Variants in PIK3R1 observed in about 807,000 individuals in gnomAD.
The protein encoded by PIK3R1 is phosphoinositide-3-kinase regulatory subunit 1, also known as phosphatidylinositol 3-kinase regulatory subunit alpha.
PIK3R1 carries 29 observed loss-of-function variants against 98.0 expected under a neutral mutation model. The observed-to-expected ratio is 0.30, with a 90% CI of 0.22 to 0.40. The LOEUF is 0.40. Among genes scored for constraint, PIK3R1 ranks in the 10% least tolerant of loss-of-function variants. PIK3R1 has a pLI of 1.00. For missense variants in PIK3R1, 596 were observed against 872.7 expected (o/e 0.68, Z 3.99); for synonymous variants, 282 against 311.8 (o/e 0.90, Z 1.01).
chr5:68,278,203 AC>A (rs1746661021), intron 4 of PIK3R1, among the ~76,000 whole-genome samples: 2 of 151,806 alleles, frequency 1.3e-5, no homozygotes, highest in Admixed American at 1.3e-4. Flanking sequence ...GGATTGCTTG[AC>A]CTGTTTCCCA....
At chr5:68,216,469 C>A (rs1221037423) in intron 1 of PIK3R1, among the ~76,000 whole-genome samples, 3 of 152,284 alleles carry the variant, frequency 2.0e-5, no homozygotes, top group African/African-American at 4.8e-5. Context: ...CGGCGGTGGT[C>A]CCCGGAGCTC....
At chr5:68,295,776 A>AAAAAATAATTATGCTTAATATATTT in intron 14 of PIK3R1, 1 of 500,068 alleles carries the variant, frequency 2.0e-6, no homozygotes, top group East Asian at 3.4e-5. Context: ...ACAGTCAGAG[A>AAAAAATAATTATGCTTAATATATTT]AAAAATAATT....
chr5:68,295,131 G>GT lies in PIK3R1; in HGVS notation c.1569-14dup. The GT allele has an allele frequency of 4.4e-6, 7 of 1,608,508 alleles. No homozygotes were observed. Among genetic ancestry groups the GT allele is most frequent in the Non-Finnish European group, 6.0e-6 (7 of 1,176,288 alleles). On this transcript the variant is annotated splice_polypyrimidine_tract_variant and intron_variant, in intron 12 of 15. Coordinates refer to ENST00000521381, the MANE Select transcript of PIK3R1 (RefSeq NM_181523.3). ...GATGTACCCAGATAATAACAAATAC[G>GT]TTTCTTTTGCCTGCAGGATTATGCA...
chr5:68,247,235 T>G (rs956220255), intron 2 of PIK3R1, among the ~76,000 whole-genome samples: 6 of 152,238 alleles, frequency 3.9e-5, no homozygotes, highest in African/African-American at 1.4e-4. Context: ...CTCTTAAAAT[T>G]ATATTTTTTG....
intron 2 of PIK3R1, among the ~76,000 whole-genome samples, chr5:68,232,923 A>G (rs1043302172): frequency 6.6e-6 from 1 of 152,314 alleles, no homozygotes; most frequent in African/African-American, 2.4e-5. Flanking sequence ...ATTCTAATAC[A>G]ATTTTCTTTG....
chr5:68,263,905 T>C (rs759999078), intron 2 of PIK3R1, among the ~76,000 whole-genome samples: 1 of 152,334 alleles, frequency 6.6e-6, no homozygotes, highest in Non-Finnish European at 1.5e-5. Context: ...TCCCTTCATA[T>C]ATTTGTTAAG....
chr5:68,296,108 C>T (rs1747698747), intron 14 of PIK3R1, 63 bp from the exon 15 acceptor site: 3 of 1,525,804 alleles, frequency 2.0e-6, no homozygotes, highest in South Asian at 1.2e-5. Context: ...CTAGGGAAGA[C>T]AGCAAGGCAG....
chr5:68,292,720 G>C (rs2112247928), intron 8 of PIK3R1: 1 of 1,272,594 alleles, frequency 7.9e-7, no homozygotes, highest in East Asian at 3.9e-5. Flanking sequence ...CTTTGGGAAG[G>C]GGGAGTAAGG....
chr5:68,225,886 C>A (rs1744254443), intron 1 of PIK3R1, among the ~76,000 whole-genome samples: 2 of 152,194 alleles, frequency 1.3e-5, no homozygotes, highest in African/African-American at 4.8e-5. Context: ...TTTTCTTGGT[C>A]ACTTCTGTAA....
intron 7 of PIK3R1, among the ~76,000 whole-genome samples, chr5:68,285,432 T>A (rs925947352): frequency 1.3e-5 from 2 of 152,224 alleles, no homozygotes; most frequent in Admixed American, 1.3e-4. Flanking sequence ...TTAATTTTTA[T>A]TGGTTTAAAA....
At chr5:68,269,476 T>C (rs1203926067) in intron 2 of PIK3R1, among the ~76,000 whole-genome samples, 1 of 152,216 alleles carries the variant, frequency 6.6e-6, no homozygotes, top group Non-Finnish European at 1.5e-5. Flanking sequence ...TTGCATCTTT[T>C]TGTTTTTAGT....
Position 68,227,029 on chromosome 5 carries a change from T to C in PIK3R1, c.334+20T>C. The C allele has an allele frequency of 6.4e-7, 1 of 1,565,868 alleles. No homozygotes were observed. The highest frequency in any genetic ancestry group is 1.4e-5 in the African/African-American group (1 of 72,748). ...AACAAGGTCAGTATTGATAAGTGGTTGCTTAATGACTCCCTTTCTTTTTCT... is the reference window on the plus strand; with the variant it reads ...AACAAGGTCAGTATTGATAAGTGGTCGCTTAATGACTCCCTTTCTTTTTCT... On this transcript the variant is annotated intron_variant, in intron 2 of 15. Transcript: ENST00000521381.
intron 2 of PIK3R1, among the ~76,000 whole-genome samples, chr5:68,263,145 TTATA>T (rs1325368825): frequency 8.1e-5 from 11 of 136,122 alleles, no homozygotes; most frequent in Non-Finnish European, 1.8e-4. Flanking sequence ...ACATATATAT[TTATA>T]TATGTACATA....
rs1390340649 is a variant in PIK3R1 at position 68,244,512 on chromosome 5, A to ACTGC, written c.334+17504_334+17505insTGCC. Reference sequence around the variant, plus strand: ...TTTTAGGGCCGCCTATTTCTCTAGGACCGCCCCCCCGCCCCCCGCCGCCGC... The same window carrying ACTGC: ...TTTTAGGGCCGCCTATTTCTCTAGGACTGCCCGCCCCCCCGCCCCCCGCCGCCGC... On this transcript the variant is annotated intron_variant, in intron 2 of 15. Coordinates refer to ENST00000521381, the MANE Select transcript of PIK3R1 (RefSeq NM_181523.3). Among the ~76,000 whole-genome samples, 73 of 20,954 alleles carry ACTGC rather than the reference A, an allele frequency of 3.5e-3. 30 individuals carry two copies. The highest frequency in any genetic ancestry group is 0.012 in the African/African-American group (24 of 2,074). 13.7% of individuals were successfully genotyped at this position (20,954 alleles called of 152,430 possible).
intron 2 of PIK3R1, among the ~76,000 whole-genome samples, chr5:68,232,853 T>C (rs933417079): frequency 6.6e-6 from 1 of 152,218 alleles, no homozygotes; most frequent in Non-Finnish European, 1.5e-5. Flanking sequence ...CTGATTCAAA[T>C]AGGAGTTATT....
chr5:68,280,574 T>C lies in PIK3R1; in HGVS notation c.681T>C (p.Ile227=). The C allele has an allele frequency of 6.2e-7, 1 of 1,613,130 alleles. No individual in the cohort carries two copies. The highest frequency in any genetic ancestry group is 1.3e-5 in the African/African-American group (1 of 74,992). ...EEYIQLLKKL[I]RSPSIPHQYW... is the part of the protein sequence containing the mutation. ...ATATTCAGCTATTGAAGAAGCTTAT[T>C]AGGTCGCCTAGCATACCTCATCAGT... The change falls in exon 6 of 16, where the codon ATT becomes ATC. Residue 227 remains isoleucine, a synonymous_variant. Coordinates refer to ENST00000521381, the MANE Select transcript of PIK3R1 (RefSeq NM_181523.3).
At position 68,260,516 on chromosome 5, in the gene PIK3R1, C is replaced by T. The variant is rs375955978; in HGVS notation, c.335-12874C>T. Among the ~76,000 whole-genome samples, 8 of 152,178 alleles carry T rather than the reference C, an allele frequency of 5.3e-5. No individual in the cohort carries two copies. In the East Asian group the frequency reaches 1.5e-3, roughly 29 times the overall value. ...AGAGGGAAAAGAGGAGAAAAAAAAT[C>T]AAAGATGAAGTGGAAAGACAAGGGC... On this transcript the variant is annotated intron_variant, in intron 2 of 15. Transcript: ENST00000521381.
chr5:68,280,856 C>A (rs1198052530), intron 6 of PIK3R1, 71 bp from the exon 7 acceptor site: 3 of 1,246,706 alleles, frequency 2.4e-6, no homozygotes, highest in Non-Finnish European at 2.3e-6. Flanking sequence ...CACACATTCA[C>A]TTGAGTGTAT....
intron 2 of PIK3R1, among the ~76,000 whole-genome samples, chr5:68,266,862 A>G (rs1746142464): frequency 6.6e-6 from 1 of 152,214 alleles, no homozygotes; most frequent in South Asian, 2.1e-4. Flanking sequence ...TAAAATACTT[A>G]CTGTGGGAAT....
Sources: allele counts gnomAD v4.1 joint callset (sites outside exome capture counted in the v4.1 genomes callset), GRCh38; gene constraint gnomAD v4.1.1; transcripts MANE v1.5; gene names NCBI Gene and HGNC (gene_info 2026-07-23, HGNC 2026-07-21).